AKT3: variants seen among roughly 807,000 people sequenced by gnomAD.
AKT3 encodes RAC-gamma serine/threonine-protein kinase.
Under a neutral mutation model 65.3 loss-of-function variants are expected in AKT3, and 15 were observed. That is an observed-to-expected ratio of 0.23 (90% confidence interval 0.15 to 0.35). The LOEUF is 0.35. Among genes scored for constraint, AKT3 ranks in the 10% least tolerant of loss-of-function variants. The probability of loss-of-function intolerance (pLI) is 1.00; values close to 1 mark genes in which losing one functional copy is unlikely to be tolerated. For missense variants in AKT3, 243 were observed against 576.5 expected, an observed-to-expected ratio of 0.42 and a Z score of 5.92; for synonymous variants, 206 against 183.8, an observed-to-expected ratio of 1.12 and a Z score of -0.98.
intron 11 of AKT3, among the ~76,000 whole-genome samples, chr1:243,549,033 T>C (rs1672867215): frequency 6.6e-6 from 1 of 152,178 alleles, no homozygotes; most frequent in Non-Finnish European, 1.5e-5. Flanking sequence ...TTCCCTAAGA[T>C]TCTGTCCTAG....
chr1:243,741,901 T>C (rs1688172282), intron 2 of AKT3: 2 of 152,120 alleles, frequency 1.3e-5, no homozygotes, highest in African/African-American at 4.8e-5. Flanking sequence ...TTTCTCAATA[T>C]TTTTATTCCA....
intron 1 of AKT3, among the ~76,000 whole-genome samples, chr1:243,849,555 C>G (rs995831874): frequency 3.3e-5 from 5 of 151,874 alleles, no homozygotes; most frequent in African/African-American, 4.8e-5. Context: ...CTCCCCCCAA[C>G]CCAAACACAC....
At chr1:243,547,532 T>C (rs1316776536) in intron 11 of AKT3, among the ~76,000 whole-genome samples, 1 of 152,224 alleles carries the variant, frequency 6.6e-6, no homozygotes, top group Non-Finnish European at 1.5e-5. Flanking sequence ...AACTTAATGA[T>C]GGGTTATGTC....
At chr1:243,593,687 G>A (rs1197818768) in intron 8 of AKT3, among the ~76,000 whole-genome samples, 1 of 152,072 alleles carries the variant, frequency 6.6e-6, no homozygotes, top group Non-Finnish European at 1.5e-5. Flanking sequence ...GTGAGACTCC[G>A]TGTCTAAATA....
At chr1:243,746,655 T>G (rs1370128049) in intron 2 of AKT3, among the ~76,000 whole-genome samples, 1 of 152,222 alleles carries the variant, frequency 6.6e-6, no homozygotes, top group African/African-American at 2.4e-5. Flanking sequence ...ACAGAAAAGA[T>G]GAGGGGTCTC....
chr1:243,780,660 AAAG>A (rs1299817612), intron 2 of AKT3, among the ~76,000 whole-genome samples: 1 of 151,744 alleles, frequency 6.6e-6, no homozygotes, highest in Non-Finnish European at 1.5e-5. Context: ...GAAGAGGAAA[AAAG>A]AAAGATAATA....
At chr1:243,806,269 C>A (rs1692721490) in intron 2 of AKT3, among the ~76,000 whole-genome samples, 1 of 152,204 alleles carries the variant, frequency 6.6e-6, no homozygotes, top group Middle Eastern at 3.4e-3. Context: ...CACCCAATAA[C>A]TATGTCCAGG....
At chr1:243,520,999 A>T (rs548001511) in intron 12 of AKT3, among the ~76,000 whole-genome samples, 12 of 152,234 alleles carry the variant, frequency 7.9e-5, no homozygotes, top group Non-Finnish European at 1.6e-4. Flanking sequence ...CCATGAGTGT[A>T]TGCATGAACA....
rs904540285 is a variant in AKT3, at chr1:243,519,070, A to C, written c.1252-6644T>G. Among the ~76,000 whole-genome samples, 4 of 152,234 alleles carry C rather than the reference A, an allele frequency of 2.6e-5. 1 individual carries two copies. The highest frequency in any genetic ancestry group is 9.6e-5 in the African/African-American group (4 of 41,466). On this transcript the variant is annotated intron_variant, in intron 12 of 13. Coordinates refer to ENST00000673466, the MANE Select transcript of AKT3 (RefSeq NM_005465.7). ...AATGGATAACTTATTTTAAGAAGGG[A>C]TGAGACAATGTGGAAGACGAAGCCA...
chr1:243,749,447 G>T (rs1254240076), intron 2 of AKT3, among the ~76,000 whole-genome samples: 4 of 151,896 alleles, frequency 2.6e-5, no homozygotes, highest in Admixed American at 6.6e-5. Context: ...TAGAAAGCAG[G>T]GAAACCATTA....
intron 8 of AKT3, among the ~76,000 whole-genome samples, chr1:243,582,337 G>A (rs1050447273): frequency 4.7e-5 from 7 of 150,402 alleles, no homozygotes; most frequent in Non-Finnish European, 1.0e-4. Context: ...AATCTTAAAG[G>A]CAGCTAGAGA....
At chr1:243,787,378 A>G (rs1277968643) in intron 2 of AKT3, among the ~76,000 whole-genome samples, 2 of 152,088 alleles carry the variant, frequency 1.3e-5, no homozygotes, top group East Asian at 1.9e-4. Flanking sequence ...TCCCTCTCCA[A>G]TATTTCCTTT....
At chr1:243,845,334 G>A (rs968520485) in intron 1 of AKT3, among the ~76,000 whole-genome samples, 60 of 82,292 alleles carry the variant, frequency 7.3e-4, no homozygotes, top group African/African-American at 2.8e-3. Context: ...TGTCAAAAAG[G>A]GATATTAGTT....
At chr1:243,651,943 C>T (rs543000252) in intron 4 of AKT3, among the ~76,000 whole-genome samples, 136 of 152,164 alleles carry the variant, frequency 8.9e-4, no homozygotes, top group Non-Finnish European at 1.8e-3. Flanking sequence ...GTAGGGTTTC[C>T]CACAAAGGGA....
downstream of AKT3, chr1:243,499,640 GTTT>G (rs5782265): frequency 2.4e-6 from 2 of 846,842 alleles, no homozygotes; most frequent in Non-Finnish European, 4.0e-6. Flanking sequence ...TTAGCAACAG[GTTT>G]TTTTCTCCAA....
chr1:243,660,214 T>A (rs1307747488), intron 4 of AKT3, among the ~76,000 whole-genome samples: 1 of 151,814 alleles, frequency 6.6e-6, no homozygotes, highest in Non-Finnish European at 1.5e-5. Flanking sequence ...CTTGGGAGAG[T>A]GTATGTGTCG....
chr1:243,849,740 G>A (rs1695679955), intron 1 of AKT3, among the ~76,000 whole-genome samples: 1 of 151,948 alleles, frequency 6.6e-6, no homozygotes, highest in Non-Finnish European at 1.5e-5. Context: ...CGCTAGGCCG[G>A]GAACACCCCT....
chr1:243,850,616 T>C (rs912555462), upstream of AKT3, among the ~76,000 whole-genome samples: 11 of 149,998 alleles, frequency 7.3e-5, no homozygotes, highest in Admixed American at 6.6e-4. Context: ...CGGGGCTTGT[T>C]GTTGACTTTG....
chr1:243,499,150 T>C (rs928387260), downstream of AKT3, among the ~76,000 whole-genome samples: 15 of 152,228 alleles, frequency 9.9e-5, no homozygotes, highest in African/African-American at 3.1e-4. Context: ...TCCCCCAACC[T>C]GATCTGCATG....
Sources: allele counts gnomAD v4.1 joint callset (sites outside exome capture counted in the v4.1 genomes callset), GRCh38; gene constraint gnomAD v4.1.1; transcripts MANE v1.5; gene names NCBI Gene and HGNC (gene_info 2026-07-23, HGNC 2026-07-21).